Variants in NFATC3 observed in about 807,000 individuals in gnomAD.
NFATC3 encodes nuclear factor of activated T cells 3.
Under a neutral mutation model 98.6 loss-of-function variants are expected in NFATC3, and 46 were observed. The observed-to-expected ratio is 0.47, with a 90% CI of 0.37 to 0.60. NFATC3 has a LOEUF of 0.60. Among genes scored for constraint, NFATC3 ranks in the 20% least tolerant of loss-of-function variants. NFATC3 has a pLI of 0.00. For synonymous variants in NFATC3, 512 were observed against 472.2 expected (o/e 1.08, Z -1.09); for missense variants, 1,256 against 1,295.5 (o/e 0.97, Z 0.47).
Position 68,194,451 on chromosome 16 carries a change from A to C in NFATC3, c.3106+2676A>C, listed in dbSNP as rs1187277393. ...ACAGCTGGCATAAGTGTCACTCCCT[A>C]CTAAATGATGAAACCAAAAGGTAGA... On this transcript the variant is annotated intron_variant, in intron 9 of 9. Coordinates refer to ENST00000346183, the MANE Select transcript of NFATC3 (RefSeq NM_173165.3). Among the ~76,000 whole-genome samples, 8 of 152,206 alleles carry C rather than the reference A, an allele frequency of 5.3e-5. No homozygotes were observed. In the East Asian group the frequency reaches 1.2e-3, roughly 22 times the overall value.
intron 1 of NFATC3, among the ~76,000 whole-genome samples, chr16:68,105,087 G>T (rs2035583048): frequency 6.7e-6 from 1 of 148,504 alleles, no homozygotes; most frequent in African/African-American, 2.5e-5. Flanking sequence ...AGGTGACTGT[G>T]TGGGTTTTTT....
intron 1 of NFATC3, among the ~76,000 whole-genome samples, chr16:68,110,308 A>ATTT (rs139459907): frequency 1.8e-5 from 2 of 110,240 alleles, no homozygotes; most frequent in Non-Finnish European, 1.9e-5. Flanking sequence ...CCTGGCCTGA[A>ATTT]TTTTTTTTTT....
At chr16:68,149,881 T>TA in intron 3 of NFATC3, among the ~76,000 whole-genome samples, 1 of 152,238 alleles carries the variant, frequency 6.6e-6, no homozygotes, top group East Asian at 1.9e-4. Flanking sequence ...TGTAGACTAT[T>TA]ACCACTTCTC....
chr16:68,146,401 C>T (rs1473327542), intron 3 of NFATC3, among the ~76,000 whole-genome samples: 1 of 150,048 alleles, frequency 6.7e-6, no homozygotes, highest in East Asian at 2.0e-4. Flanking sequence ...AAGACCTTGT[C>T]TCCCAAAAGA....
intron 3 of NFATC3, chr16:68,138,798 G>A (rs569982543): frequency 5.6e-6 from 7 of 1,257,000 alleles, no homozygotes; most frequent in South Asian, 5.3e-5. Flanking sequence ...TTGGTGGTTA[G>A]TGTGCCTTCT....
chr16:68,174,619 T>A (rs570965074), intron 6 of NFATC3, 105 bp downstream of exon 6: 1 of 893,692 alleles, frequency 1.1e-6, no homozygotes, highest in Admixed American at 3.2e-5. Context: ...TTCATAAAGC[T>A]ATGGGTGTCA....
intron 4 of NFATC3, among the ~76,000 whole-genome samples, chr16:68,163,504 C>A (rs1036426335): frequency 2.0e-5 from 3 of 151,700 alleles, no homozygotes; most frequent in Non-Finnish European, 2.9e-5. Flanking sequence ...CTGACCCCCC[C>A]ACTTCCCTCC....
At chr16:68,119,076 C>T (rs2036441086) in intron 1 of NFATC3, among the ~76,000 whole-genome samples, 1 of 152,104 alleles carries the variant, frequency 6.6e-6, no homozygotes, top group Admixed American at 6.6e-5. Flanking sequence ...ACCGTGTTAG[C>T]CAGCATGGTC....
chr16:68,211,843 A>C (rs962354375), intron 9 of NFATC3, among the ~76,000 whole-genome samples: 4 of 152,216 alleles, frequency 2.6e-5, no homozygotes, highest in Non-Finnish European at 5.9e-5. Context: ...ATGTTTGGTC[A>C]AAGTTCTTGT....
Position 68,146,884 on chromosome 16 carries a change from G to A in NFATC3, c.1402-10985G>A, listed in dbSNP as rs142649738. ...TACTGGTGAAAGTTTTTAGAGACTA[G>A]TGTTAACAGTAGTAGTAATTTATTT... On this transcript the variant is annotated intron_variant, in intron 3 of 9. Transcript: ENST00000346183. Among the ~76,000 whole-genome samples, 3 of 152,350 alleles carry A rather than the reference G, an allele frequency of 2.0e-5. 1 individual carries two copies. Among genetic ancestry groups the A allele is most frequent in the South Asian group, 4.2e-4 (2 of 4,818 alleles).
chr16:68,224,126 TA>T (rs1174161190), intron 9 of NFATC3, among the ~76,000 whole-genome samples: 5,676 of 72,454 alleles, frequency 0.078, 101 homozygotes, highest in Middle Eastern at 0.23. Context: ...TGCACCAGTT[TA>T]AAAAAAAAAA....
rs1176219619 is a variant in NFATC3, at chr16:68,126,627, G to A, written c.1401+17G>A. On this transcript the variant is annotated intron_variant, in intron 3 of 9. Coordinates refer to ENST00000346183, the MANE Select transcript of NFATC3 (RefSeq NM_173165.3). ...GTTGTGAAGGTATGAGACTTTTGGG[G>A]CTTGTTTTGCAGATACCATACACCT... is the stretch of plus-strand genomic sequence containing the variant. The A allele has an allele frequency of 6.2e-7, 1 of 1,613,262 alleles. No homozygotes were observed.
intron 9 of NFATC3, among the ~76,000 whole-genome samples, chr16:68,220,162 T>C (rs2041806325): frequency 6.6e-6 from 1 of 152,212 alleles, no homozygotes; most frequent in African/African-American, 2.4e-5. Context: ...CTACATAACC[T>C]GTTAGCACCC....
chr16:68,189,988 G>A (rs2040368421), intron 8 of NFATC3, among the ~76,000 whole-genome samples: 1 of 152,268 alleles, frequency 6.6e-6, no homozygotes. Flanking sequence ...GCAGTACGCC[G>A]AGATTGCACG....
At chr16:68,164,344 C>T (rs542694704) in intron 4 of NFATC3, among the ~76,000 whole-genome samples, 3 of 152,152 alleles carry the variant, frequency 2.0e-5, no homozygotes, top group African/African-American at 7.2e-5. Flanking sequence ...GGCAGCAGTA[C>T]AGTCCAGCTT....
intron 3 of NFATC3, among the ~76,000 whole-genome samples, chr16:68,151,140 G>A (rs182173737): frequency 1.6e-4 from 24 of 151,942 alleles, no homozygotes; most frequent in African/African-American, 5.3e-4. Flanking sequence ...GGACGTTTGA[G>A]TCAAGGAGTT....
chr16:68,137,559 C>G (rs1250169358), intron 3 of NFATC3, among the ~76,000 whole-genome samples: 1 of 151,790 alleles, frequency 6.6e-6, no homozygotes, highest in African/African-American at 2.4e-5. Context: ...TTCTGTTTTA[C>G]CATATTACTT....
Position 68,168,763 on chromosome 16 carries a change from CG to C in NFATC3, c.1774+1749del, listed in dbSNP as rs2039332378. Among the ~76,000 whole-genome samples the C allele has an allele frequency of 2.0e-5, 3 of 151,168 alleles. No homozygotes were observed. The East Asian group carries it at 5.9e-4, about 30-fold the overall frequency. ...CCTCCCAAAGTGCTGAGATTACAGG[CG>C]TGAGCCACCGCACCCAGCCCTGTAT... is the stretch of plus-strand genomic sequence containing the variant. On this transcript the variant is annotated intron_variant, in intron 5 of 9. Coordinates refer to ENST00000346183, the MANE Select transcript of NFATC3 (RefSeq NM_173165.3).
chr16:68,228,675 G>C lies in NFATC3; in HGVS notation c.*2204G>C, dbSNP rs142270392. The C allele has an allele frequency of 4.6e-5, 7 of 152,600 alleles. No individual in the cohort carries two copies. Among genetic ancestry groups the C allele is most frequent in the Admixed American group, 4.6e-4 (7 of 15,274 alleles). 9.5% of individuals were successfully genotyped at this position (152,600 alleles called of 1,614,324 possible). On this transcript the variant is annotated 3_prime_UTR_variant, in exon 10 of 10. Transcript: ENST00000346183. ...AATATTTTTTGGCTTTGTAGATAAA[G>C]ACTTAAATTTTTGTGCAACATAGTG...
Sources: gnomAD v4.1 joint callset for allele counts (sites outside exome capture counted in the v4.1 genomes callset) on GRCh38, gnomAD v4.1.1 for gene constraint, MANE v1.5 for transcripts, NCBI Gene and HGNC (gene_info 2026-07-23, HGNC 2026-07-21) for gene names.